The following MTMR8 variants were observed in gnomAD, a reference collection of about 807,000 sequenced individuals.
The protein encoded by MTMR8 is myotubularin related protein 8, also known as phosphatidylinositol-3,5-bisphosphate 3-phosphatase MTMR8.
Under a neutral mutation model 39.3 loss-of-function variants are expected in MTMR8, and 65 were observed. The observed-to-expected ratio is 1.65, with a 90% CI of 1.35 to 2.03. The LOEUF (loss-of-function observed/expected upper bound fraction) is 2.03. Among genes scored for constraint, MTMR8 ranks in the 30% most tolerant of loss-of-function variants. The probability of loss-of-function intolerance (pLI) is 0.00; values close to 1 mark genes in which losing one functional copy is unlikely to be tolerated. For synonymous variants in MTMR8, 245 were observed against 185.2 expected, an observed-to-expected ratio of 1.32 and a Z score of -2.62; for missense variants, 777 against 538.9, an observed-to-expected ratio of 1.44 and a Z score of -4.37.
In MTMR8 at chrX:64,268,591, G is replaced by GT; in HGVS notation, c.2060dup (p.Asp687GlufsTer21). The GT allele has an allele frequency of 8.3e-7, 1 of 1,211,038 alleles. No homozygotes were observed. Among genetic ancestry groups the GT allele is most frequent in the Non-Finnish European group, 1.1e-6 (1 of 895,251 alleles). On this transcript the variant is annotated frameshift_variant, in exon 14 of 14. Coordinates refer to ENST00000374852, the MANE Select transcript of MTMR8 (RefSeq NM_017677.4). LOFTEE classifies it low-confidence loss of function (END_TRUNC). ...TGGTGCTGGCCTTGGAGATGCCTGT[G>GT]TCCCCCAAGATGCCCATGTCCCCAG...
chrX:64,303,815 C>T, intron 12 of MTMR8, among the ~76,000 whole-genome samples: 1 of 112,315 alleles, frequency 8.9e-6, no homozygotes, highest in Non-Finnish European at 1.9e-5. Context: ...TCTAACACAA[C>T]TGAAACTTTT....
intron 12 of MTMR8, among the ~76,000 whole-genome samples, chrX:64,301,298 AC>A (rs1368990803): frequency 9.5e-6 from 1 of 105,637 alleles, no homozygotes; most frequent in Non-Finnish European, 2.0e-5. Context: ...TTTTCTCTAA[AC>A]TTCCCTTCTC....
intron 4 of MTMR8, among the ~76,000 whole-genome samples, chrX:64,350,573 G>T (rs762925501): frequency 2.7e-5 from 3 of 111,248 alleles, no homozygotes. Context: ...TTCTATTTCT[G>T]AGGAATAGAT....
intron 12 of MTMR8, among the ~76,000 whole-genome samples, chrX:64,280,549 A>C (rs1176979461): frequency 2.7e-5 from 3 of 111,727 alleles, no homozygotes; most frequent in Non-Finnish European, 5.6e-5. Context: ...AACATATCTC[A>C]AAATAATAGG....
At chrX:64,312,945 A>C (rs745691981) in intron 12 of MTMR8, among the ~76,000 whole-genome samples, 2 of 112,561 alleles carry the variant, frequency 1.8e-5, no homozygotes, top group Non-Finnish European at 3.7e-5. Flanking sequence ...TGCTGTGAGC[A>C]GACATGCTAT....
intron 12 of MTMR8, among the ~76,000 whole-genome samples, chrX:64,322,255 C>T (rs1282722324): frequency 1.8e-5 from 2 of 110,286 alleles, no homozygotes; most frequent in Non-Finnish European, 3.8e-5. Flanking sequence ...CGTTAGCCTC[C>T]CAAAGTGATG....
intron 12 of MTMR8, among the ~76,000 whole-genome samples, chrX:64,291,694 T>C (rs910053323): frequency 1.8e-5 from 2 of 111,743 alleles, no homozygotes; most frequent in Admixed American, 9.5e-5. Context: ...GGATTAACTG[T>C]CAAAACAACC....
chrX:64,296,706 A>T (rs1921603914), intron 12 of MTMR8, among the ~76,000 whole-genome samples: 1 of 107,644 alleles, frequency 9.3e-6, no homozygotes, highest in African/African-American at 3.4e-5. Context: ...CATTAGGTAT[A>T]TCTTCCAATG....
intron 12 of MTMR8, among the ~76,000 whole-genome samples, chrX:64,285,857 C>T (rs1008445260): frequency 7.6e-4 from 84 of 110,427 alleles, no homozygotes; most frequent in African/African-American, 2.6e-3. Flanking sequence ...GCACTAAATG[C>T]CCACAAGAGA....
chrX:64,277,782 C>T (rs1236816185), intron 12 of MTMR8, among the ~76,000 whole-genome samples: 3 of 111,197 alleles, frequency 2.7e-5, no homozygotes, highest in Admixed American at 9.6e-5. Context: ...GTCTGTCTTG[C>T]TAGGTTGGGG....
At chrX:64,322,345 G>T (rs1483704084) in intron 12 of MTMR8, among the ~76,000 whole-genome samples, 1 of 111,057 alleles carries the variant, frequency 9.0e-6, no homozygotes, top group Non-Finnish European at 1.9e-5. Context: ...TGTTCATCAG[G>T]GGTATTGGCC....
chrX:64,353,176 G>C (rs183060880), intron 4 of MTMR8, among the ~76,000 whole-genome samples: 68 of 111,988 alleles, frequency 6.1e-4, no homozygotes, highest in African/African-American at 2.1e-3. Flanking sequence ...TAGGATATTG[G>C]TCTGGGCAAA....
In MTMR8 at chrX:64,285,075, C is replaced by T. The variant is rs752293940; in HGVS notation, c.1482-14002G>A. Among the ~76,000 whole-genome samples the T allele has an allele frequency of 9.0e-5, 10 of 111,483 alleles. No homozygotes were observed. In the South Asian group the frequency reaches 3.0e-3, roughly 34 times the overall value. ...CCATTAGTGTGCTGTATTCAGGAAA[C>T]CCATCTCACGTGCAGAGACACACTT... On this transcript the variant is annotated intron_variant, in intron 12 of 13. Coordinates refer to ENST00000374852, the MANE Select transcript of MTMR8 (RefSeq NM_017677.4).
chrX:64,340,711 C>T (rs371562884), intron 8 of MTMR8, among the ~76,000 whole-genome samples: 17 of 112,115 alleles, frequency 1.5e-4, no homozygotes, highest in East Asian at 1.1e-3. Context: ...CAGAACATGA[C>T]GGCAGCAACC....
At chrX:64,384,331 C>A (rs1411880343) in intron 1 of MTMR8, among the ~76,000 whole-genome samples, 1 of 111,202 alleles carries the variant, frequency 9.0e-6, no homozygotes, top group African/African-American at 3.3e-5. Flanking sequence ...GTGCAAACTA[C>A]CAGTGGATCT....
intron 6 of MTMR8, among the ~76,000 whole-genome samples, chrX:64,346,337 A>T (rs976054738): frequency 1.2e-4 from 13 of 111,351 alleles, no homozygotes; most frequent in African/African-American, 4.2e-4. Flanking sequence ...GAGGGAAAAA[A>T]GTCAGTGTGC....
chrX:64,354,030 G>A (rs1923552044), intron 4 of MTMR8, among the ~76,000 whole-genome samples: 2 of 109,684 alleles, frequency 1.8e-5, no homozygotes, highest in South Asian at 7.9e-4. Flanking sequence ...TGGAACTGGG[G>A]GACATTATAT....
At chrX:64,337,966 AT>A (rs1396761400) in intron 8 of MTMR8, among the ~76,000 whole-genome samples, 1 of 111,967 alleles carries the variant, frequency 8.9e-6, no homozygotes, top group Non-Finnish European at 1.9e-5. Flanking sequence ...CATTCTAACA[AT>A]TTTGTGCCTC....
chrX:64,389,909 T>A (rs771575159), intron 1 of MTMR8, among the ~76,000 whole-genome samples: 48 of 112,036 alleles, frequency 4.3e-4, no homozygotes, highest in African/African-American at 1.6e-3. Flanking sequence ...TTTTCCATTA[T>A]ATCACACTAT....
Sources: gnomAD v4.1 joint callset for allele counts (sites outside exome capture counted in the v4.1 genomes callset) on GRCh38, gnomAD v4.1.1 for gene constraint, MANE v1.5 for transcripts, NCBI Gene and HGNC (gene_info 2026-07-23, HGNC 2026-07-21) for gene names.